PTPRZ1: variants seen among roughly 807,000 people sequenced by gnomAD.
PTPRZ1 encodes the protein protein tyrosine phosphatase receptor type Z1.
PTPRZ1 carries 82 observed loss-of-function variants against 214.1 expected under a neutral mutation model. The observed-to-expected ratio is 0.38, with a 90% CI of 0.32 to 0.46. PTPRZ1 has a LOEUF of 0.46. Ranked by LOEUF, PTPRZ1 falls within the 20% of genes least tolerant of loss-of-function variation. The probability of loss-of-function intolerance (pLI) is 1.00; values close to 1 mark genes in which losing one functional copy is unlikely to be tolerated. For synonymous variants in PTPRZ1, 945 were observed against 987.9 expected, an observed-to-expected ratio of 0.96 and a Z score of 0.81; for missense variants, 2,603 against 2,748.7, an observed-to-expected ratio of 0.95 and a Z score of 1.19.
chr7:121,920,846 A>T (rs1056041783), intron 1 of PTPRZ1, among the ~76,000 whole-genome samples: 1 of 152,148 alleles, frequency 6.6e-6, no homozygotes, highest in African/African-American at 2.4e-5. Flanking sequence ...GTGAACTGTT[A>T]TGATGCTGTA....
intron 2 of PTPRZ1, among the ~76,000 whole-genome samples, chr7:121,966,104 G>C (rs1201875625): frequency 1.5e-5 from 2 of 135,992 alleles, no homozygotes; most frequent in East Asian, 4.3e-4. Flanking sequence ...AGAAACAAAG[G>C]CATCAGGATA....
intron 2 of PTPRZ1, among the ~76,000 whole-genome samples, chr7:121,961,726 A>T (rs1308537318): frequency 6.6e-6 from 1 of 152,340 alleles, no homozygotes; most frequent in South Asian, 2.1e-4. Flanking sequence ...TTTCTAACAT[A>T]TGCCAGACTC....
intron 4 of PTPRZ1, among the ~76,000 whole-genome samples, chr7:121,974,641 C>T (rs1229083038): frequency 2.0e-5 from 3 of 152,110 alleles, no homozygotes; most frequent in South Asian, 2.1e-4. Flanking sequence ...GTGCATGCCA[C>T]CATGCCCAGC....
At position 122,040,948 on chromosome 7, in the gene PTPRZ1, C is replaced by T; in HGVS notation, c.5770C>T (p.His1924Tyr). 1.3e-6 allele frequency: 2 copies of T among 1,587,322 alleles called. No individual in the cohort carries two copies. Among genetic ancestry groups the T allele is most frequent in the African/African-American group, 1.3e-5 (1 of 74,594 alleles). Reference sequence around the variant, plus strand: ...GAGAAAGGCAGCCTATGCCAAGCGCCATGCAGTGGGGCCTGTTGTCGTCCA... The same window carrying T: ...GAGAAAGGCAGCCTATGCCAAGCGCTATGCAGTGGGGCCTGTTGTCGTCCA... ...FVRKAAYAKRHAVGPVVVHCS... is the reference protein window; with the variant it reads ...FVRKAAYAKRYAVGPVVVHCS... The change falls in exon 21 of 30, where the codon CAT becomes TAT. Residue 1924 changes from histidine to tyrosine, a missense_variant. This residue lies in a region of PTPRZ1 where 1,913 missense variants were observed against 1,914.3 expected (regional missense o/e 1.00). Coordinates refer to ENST00000393386, the MANE Select transcript of PTPRZ1 (RefSeq NM_002851.3).
intron 2 of PTPRZ1, among the ~76,000 whole-genome samples, chr7:121,963,748 T>G (rs1443870774): frequency 2.6e-5 from 4 of 152,134 alleles, no homozygotes; most frequent in African/African-American, 9.7e-5. Flanking sequence ...ATGCAAATAC[T>G]GAGGTTTATT....
intron 2 of PTPRZ1, among the ~76,000 whole-genome samples, chr7:121,947,525 T>C (rs190643647): frequency 2.0e-3 from 308 of 152,316 alleles, no homozygotes; most frequent in Non-Finnish European, 3.5e-3. Flanking sequence ...GTAGTTTAAA[T>C]TGAAAAACAA....
chr7:121,903,717 T>C (rs113311651), intron 1 of PTPRZ1, among the ~76,000 whole-genome samples: 1 of 152,284 alleles, frequency 6.6e-6, no homozygotes, highest in African/African-American at 2.4e-5. Flanking sequence ...TCCAGGTCAA[T>C]TCAAACTTCA....
intron 1 of PTPRZ1, among the ~76,000 whole-genome samples, chr7:121,899,172 A>G (rs1203626675): frequency 6.6e-6 from 1 of 152,170 alleles, no homozygotes; most frequent in African/African-American, 2.4e-5. Context: ...TAGTTGTTTT[A>G]AATGAAACTG....
chr7:122,055,199 T>G, intron 27 of PTPRZ1, 112 bp downstream of exon 27: 1 of 875,130 alleles, frequency 1.1e-6, no homozygotes, highest in Admixed American at 3.3e-5. Context: ...TTTTCCCCAT[T>G]GAGACAAATA....
chr7:121,943,465 A>G (rs1412639242), intron 2 of PTPRZ1, among the ~76,000 whole-genome samples: 2 of 152,038 alleles, frequency 1.3e-5, no homozygotes, highest in African/African-American at 4.8e-5. Flanking sequence ...CCTCCCAAGT[A>G]GCTGGGACTA....
At position 121,996,469 on chromosome 7, in the gene PTPRZ1, A is replaced by G; in HGVS notation, c.1016A>G (p.Tyr339Cys). 1 of 1,507,270 alleles carries G rather than the reference A, an allele frequency of 6.6e-7. No homozygotes were observed. The highest frequency in any genetic ancestry group is 1.8e-4 in the Middle Eastern group (1 of 5,662). The allele number at this position is 1,507,270 out of a possible 1,614,324, so 93.4% of individuals were successfully genotyped here. The change falls in exon 9 of 30, where the codon TAT becomes TGT. Residue 339 changes from tyrosine to cysteine, a missense_variant. By Grantham distance (194) the Tyr-to-Cys change is radical. Coordinates refer to ENST00000393386, the MANE Select transcript of PTPRZ1 (RefSeq NM_002851.3). Reference protein sequence around the residue: ...LVTWERPRVVYDTMIEKFAVL... With the variant: ...LVTWERPRVVCDTMIEKFAVL... ...ACATGGGAAAGACCTCGAGTCGTTTATGATACCATGATTGAGAAGTTTGCA... is the reference window on the plus strand; with the variant it reads ...ACATGGGAAAGACCTCGAGTCGTTTGTGATACCATGATTGAGAAGTTTGCA...
intron 6 of PTPRZ1, among the ~76,000 whole-genome samples, chr7:121,980,658 A>G (rs956610381): frequency 6.6e-6 from 1 of 152,244 alleles, no homozygotes; most frequent in African/African-American, 2.4e-5. Flanking sequence ...ACTTTAGTTA[A>G]TAACAGTACT....
At chr7:121,964,447 C>CTGACA (rs1796979220) in intron 2 of PTPRZ1, among the ~76,000 whole-genome samples, 1 of 152,140 alleles carries the variant, frequency 6.6e-6, no homozygotes, top group Non-Finnish European at 1.5e-5. Context: ...AACTAACTCA[C>CTGACA]TGTCATGAGT....
Position 122,002,379 on chromosome 7 carries a change from C to T in PTPRZ1, c.1241-2235C>T, listed in dbSNP as rs943472631. 7.9e-5 allele frequency among the ~76,000 whole-genome samples: 12 copies of T among 152,130 alleles called. No individual in the cohort carries two copies. In the South Asian group the frequency reaches 2.5e-3, roughly 32 times the overall value. On this transcript the variant is annotated intron_variant, in intron 10 of 29. Transcript: ENST00000393386. ...TGCCAAGGAGACGTGCCTAGGCCTA[C>T]ACATGTTTTCCCAGAGCCAAGGAGG...
intron 27 of PTPRZ1, among the ~76,000 whole-genome samples, chr7:122,058,446 G>T (rs932006600): frequency 2.0e-5 from 3 of 152,142 alleles, no homozygotes; most frequent in African/African-American, 4.8e-5. Context: ...TTTCAAAACA[G>T]ATTTTAACAC....
chr7:121,911,984 A>G (rs888600288), intron 1 of PTPRZ1, among the ~76,000 whole-genome samples: 4 of 152,204 alleles, frequency 2.6e-5, no homozygotes, highest in African/African-American at 7.2e-5. Flanking sequence ...TTTTGAAAAC[A>G]GAAGTGTCTG....
intron 1 of PTPRZ1, among the ~76,000 whole-genome samples, chr7:121,902,487 T>C (rs1008578949): frequency 6.6e-6 from 1 of 152,190 alleles, no homozygotes; most frequent in African/African-American, 2.4e-5. Flanking sequence ...TGACAGGGAA[T>C]AAGAGTTCTC....
rs1019108581 is a variant in PTPRZ1 at position 121,873,192 on chromosome 7, C to G, written c.-308C>G. The G allele has an allele frequency of 9.6e-6, 4 of 415,164 alleles. No individual in the cohort carries two copies. The highest frequency in any genetic ancestry group is 8.2e-5 in the African/African-American group (4 of 48,802). The allele number at this position is 415,164 out of a possible 1,614,324, so 25.7% of individuals were successfully genotyped here. A position where few individuals can be genotyped will look rare whatever the true frequency, so the allele number is the denominator to read the frequency against. Reference sequence around the variant, plus strand: ...CGGCCGCCGCAGCCGGCGAAAGAGGCAAAGTCCCGCACGCCGGAGGACATG... The same window carrying G: ...CGGCCGCCGCAGCCGGCGAAAGAGGGAAAGTCCCGCACGCCGGAGGACATG... On this transcript the variant is annotated 5_prime_UTR_variant, in exon 1 of 30. Transcript: ENST00000393386.
At chr7:121,961,636 G>A (rs555267162) in intron 2 of PTPRZ1, among the ~76,000 whole-genome samples, 7 of 152,220 alleles carry the variant, frequency 4.6e-5, no homozygotes, top group African/African-American at 1.4e-4. Flanking sequence ...TTTCCATTCC[G>A]CTTGGAATAG....
Sources: allele counts gnomAD v4.1 joint callset (sites outside exome capture counted in the v4.1 genomes callset), GRCh38; gene constraint gnomAD v4.1.1; regional missense constraint gnomAD v4.1.1; transcripts MANE v1.5; gene names NCBI Gene and HGNC (gene_info 2026-07-23, HGNC 2026-07-21).